Variants in ALK observed in about 807,000 individuals in gnomAD.
ALK encodes the protein ALK tyrosine kinase receptor.
In ALK, 74 loss-of-function variants were observed where a neutral mutation model predicts 163.1. That is an observed-to-expected ratio of 0.45 (90% CI 0.38 to 0.55). The LOEUF (loss-of-function observed/expected upper bound fraction) is 0.55, where lower values mean the gene tolerates loss of function less well. Ranked by LOEUF, ALK falls within the 20% of genes least tolerant of loss-of-function variation. ALK has a pLI of 0.00. For synonymous variants in ALK, 960 were observed against 843.2 expected, an observed-to-expected ratio of 1.14 and a Z score of -2.40; for missense variants, 2,063 against 2,105.3, an observed-to-expected ratio of 0.98 and a Z score of 0.39.
chr2:29,752,334 T>G (rs1199271916), intron 1 of ALK, among the ~76,000 whole-genome samples: 2 of 151,038 alleles, frequency 1.3e-5, no homozygotes, highest in African/African-American at 4.9e-5. Flanking sequence ...TTGTGACTTC[T>G]GCTATTTTCT....
In ALK at chr2:29,196,960, G is replaced by A. The variant is rs761680011; in HGVS notation, c.4074-100C>T. ...GTTGCAACGAATACGTTGAGGGTGC[G>A]AACTCGTCTAGGCCCCGTGTACTTG... On this transcript the variant is annotated intron_variant, in intron 27 of 28. Coordinates refer to ENST00000389048, the MANE Select transcript of ALK (RefSeq NM_004304.5). The A allele has an allele frequency of 1.7e-4, 168 of 974,040 alleles. 1 individual carries two copies. The highest frequency in any genetic ancestry group is 4.8e-4 in the African/African-American group (30 of 62,596). 60.3% of individuals were successfully genotyped at this position (974,040 alleles called of 1,614,324 possible). A position where few individuals can be genotyped will look rare whatever the true frequency, so the allele number is the denominator to read the frequency against.
intron 4 of ALK, among the ~76,000 whole-genome samples, chr2:29,458,016 G>C (rs911298572): frequency 6.6e-6 from 1 of 152,088 alleles, no homozygotes; most frequent in Non-Finnish European, 1.5e-5. Flanking sequence ...AAAGCTTACC[G>C]GTGTGCTTAG....
At chr2:29,581,182 G>A (rs1021877607) in intron 3 of ALK, among the ~76,000 whole-genome samples, 1 of 152,172 alleles carries the variant, frequency 6.6e-6, no homozygotes, top group African/African-American at 2.4e-5. Flanking sequence ...GAGATCAAGA[G>A]ATCGAGACCA....
chr2:29,211,605 C>T (rs192770818), intron 24 of ALK, among the ~76,000 whole-genome samples: 44 of 152,152 alleles, frequency 2.9e-4, no homozygotes, highest in Non-Finnish European at 7.4e-5. Context: ...ATTCCAAAAG[C>T]GTAAAAGTAT....
At chr2:29,324,600 TG>T (rs753224671) in intron 6 of ALK, among the ~76,000 whole-genome samples, 2 of 152,186 alleles carry the variant, frequency 1.3e-5, no homozygotes, top group African/African-American at 2.4e-5. Context: ...ATCAAGTCCA[TG>T]GGGGAAAAGT....
intron 3 of ALK, among the ~76,000 whole-genome samples, chr2:29,570,848 T>C (rs1674340134): frequency 6.6e-6 from 1 of 152,236 alleles, no homozygotes; most frequent in Non-Finnish European, 1.5e-5. Context: ...TTTATTTACC[T>C]GTTTCTGAGA....
chr2:29,581,023 C>G (rs1674674904), intron 3 of ALK, among the ~76,000 whole-genome samples: 1 of 152,178 alleles, frequency 6.6e-6, no homozygotes, highest in Admixed American at 6.5e-5. Flanking sequence ...ATGGCCATAC[C>G]ATGTGGTTCT....
At chr2:29,412,790 T>C (rs1312008521) in intron 4 of ALK, among the ~76,000 whole-genome samples, 1 of 152,232 alleles carries the variant, frequency 6.6e-6, no homozygotes, top group Non-Finnish European at 1.5e-5. Context: ...TTTTTCAACA[T>C]TGCAAACAAG....
intron 3 of ALK, among the ~76,000 whole-genome samples, chr2:29,606,966 G>A (rs1675558279): frequency 6.6e-6 from 1 of 152,180 alleles, no homozygotes; most frequent in African/African-American, 2.4e-5. Flanking sequence ...AAGAAGTCTT[G>A]CAGCCATGCA....
At chr2:29,668,954 A>G (rs906115961) in intron 3 of ALK, among the ~76,000 whole-genome samples, 2 of 152,018 alleles carry the variant, frequency 1.3e-5, no homozygotes, top group Non-Finnish European at 2.9e-5. Context: ...GAACAGCAGG[A>G]AAGACCTGCC....
intron 1 of ALK, among the ~76,000 whole-genome samples, chr2:29,726,375 G>A (rs1679575774): frequency 6.6e-6 from 1 of 152,166 alleles, no homozygotes; most frequent in African/African-American, 2.4e-5. Flanking sequence ...TGTGATCTCA[G>A]AGAGCTTTAC....
At chr2:29,585,473 C>T (rs765326056) in intron 3 of ALK, among the ~76,000 whole-genome samples, 3 of 152,028 alleles carry the variant, frequency 2.0e-5, no homozygotes, top group East Asian at 1.9e-4. Context: ...AAAACAGGTG[C>T]GTGCCACCAC....
intron 4 of ALK, among the ~76,000 whole-genome samples, chr2:29,490,226 G>T (rs1671869748): frequency 6.6e-6 from 1 of 152,230 alleles, no homozygotes; most frequent in South Asian, 2.1e-4. Context: ...GCCGCAAGCA[G>T]CCCAGCAGGG....
intron 1 of ALK, among the ~76,000 whole-genome samples, chr2:29,781,246 A>G (rs1681323202): frequency 1.3e-5 from 2 of 152,196 alleles, no homozygotes; most frequent in South Asian, 4.1e-4. Flanking sequence ...AGAGAACACC[A>G]TCTTTGTTTT....
chr2:29,589,984 G>A (rs1337777782), intron 3 of ALK, among the ~76,000 whole-genome samples: 1 of 152,162 alleles, frequency 6.6e-6, no homozygotes, highest in African/African-American at 2.4e-5. Flanking sequence ...AGCTCTCTGT[G>A]TGCCAGGGAA....
chr2:29,832,355 T>C (rs1399196934), intron 1 of ALK, among the ~76,000 whole-genome samples: 2 of 152,114 alleles, frequency 1.3e-5, no homozygotes, highest in East Asian at 3.9e-4. Context: ...AGGCAGAGCC[T>C]GATGTGTCAG....
At chr2:29,274,691 G>C (rs1193145291) in intron 11 of ALK, among the ~76,000 whole-genome samples, 1 of 152,186 alleles carries the variant, frequency 6.6e-6, no homozygotes, top group African/African-American at 2.4e-5. Context: ...CCATGATGGG[G>C]TAGCCTACCT....
chr2:29,759,762 T>G (rs1680647270), intron 1 of ALK, among the ~76,000 whole-genome samples: 1 of 152,244 alleles, frequency 6.6e-6, no homozygotes, highest in Non-Finnish European at 1.5e-5. Flanking sequence ...TGAACAGGTC[T>G]GAGTATTTAT....
chr2:29,205,837 C>T lies in ALK; in HGVS notation c.3938+1334G>A, dbSNP rs566926168. ...CCTTATAAGGCAACAATTCTGGGCCCCTGGGATTAGGACCTGATACCCTCG... is the reference window on the plus strand; with the variant it reads ...CCTTATAAGGCAACAATTCTGGGCCTCTGGGATTAGGACCTGATACCCTCG... On this transcript the variant is annotated intron_variant, in intron 26 of 28. Transcript: ENST00000389048. 1.2e-4 allele frequency among the ~76,000 whole-genome samples: 19 copies of T among 152,248 alleles called. No individual in the cohort carries two copies. In the South Asian group the frequency reaches 3.3e-3, roughly 27 times the overall value.
Sources: gnomAD v4.1 joint callset for allele counts (sites outside exome capture counted in the v4.1 genomes callset) on GRCh38, gnomAD v4.1.1 for gene constraint, MANE v1.5 for transcripts, NCBI Gene and HGNC (gene_info 2026-07-23, HGNC 2026-07-21) for gene names.